The following WWC2 variants were observed in gnomAD, a reference collection of about 807,000 sequenced individuals.
The protein encoded by WWC2 is protein WWC2.
WWC2 carries 101 observed loss-of-function variants against 138.5 expected under a neutral mutation model. The ratio of observed to expected loss-of-function variants is 0.73; its 90% CI spans 0.62 to 0.86. The LOEUF (loss-of-function observed/expected upper bound fraction) is 0.86, where lower values mean the gene tolerates loss of function less well. Among genes scored for constraint, WWC2 ranks in the 40% least tolerant of loss-of-function variants. The pLI, the probability that WWC2 is intolerant of heterozygous loss-of-function variation, is 0.00. For synonymous variants in WWC2, 558 were observed against 538.4 expected (o/e 1.04, Z -0.50); for missense variants, 1,420 against 1,419.4 (o/e 1.00, Z -0.01).
At chr4:183,175,296 C>T (rs1734431361) in intron 1 of WWC2, among the ~76,000 whole-genome samples, 1 of 152,118 alleles carries the variant, frequency 6.6e-6, no homozygotes, top group Non-Finnish European at 1.5e-5. Flanking sequence ...GGCAGTGTCT[C>T]TGTTGCCCAG....
intron 1 of WWC2, among the ~76,000 whole-genome samples, chr4:183,192,969 A>G (rs1735033444): frequency 6.6e-6 from 1 of 152,246 alleles, no homozygotes; most frequent in Admixed American, 6.5e-5. Flanking sequence ...CTTAAAGAAA[A>G]AAATGGTCTT....
At chr4:183,170,578 A>T (rs1480425857) in intron 1 of WWC2, among the ~76,000 whole-genome samples, 1 of 152,206 alleles carries the variant, frequency 6.6e-6, no homozygotes, top group African/African-American at 2.4e-5. Context: ...GGAGCCTGGG[A>T]TGCTGAGATG....
chr4:183,111,893 T>C (rs1190044424), intron 1 of WWC2, among the ~76,000 whole-genome samples: 1 of 152,104 alleles, frequency 6.6e-6, no homozygotes, highest in African/African-American at 2.4e-5. Context: ...AGTCAGGGTT[T>C]CGCCATGTTG....
chr4:183,150,586 G>A (rs1475039841), intron 1 of WWC2, among the ~76,000 whole-genome samples: 1 of 152,116 alleles, frequency 6.6e-6, no homozygotes, highest in East Asian at 1.9e-4. Flanking sequence ...GGGTACATGT[G>A]CACAACATGC....
chr4:183,192,288 C>T (rs1266781423), intron 1 of WWC2, among the ~76,000 whole-genome samples: 1 of 152,220 alleles, frequency 6.6e-6, no homozygotes, highest in Admixed American at 6.5e-5. Flanking sequence ...TGAGGTTATA[C>T]TCACTACTTC....
At chr4:183,276,987 A>ATTG (rs1319654323) in intron 16 of WWC2, among the ~76,000 whole-genome samples, 5 of 151,130 alleles carry the variant, frequency 3.3e-5, no homozygotes, top group Non-Finnish European at 7.4e-5. Context: ...TATTATTATT[A>ATTG]TTATTATTAT....
chr4:183,263,692 C>T (rs1259273209), intron 11 of WWC2, among the ~76,000 whole-genome samples: 1 of 152,116 alleles, frequency 6.6e-6, no homozygotes, highest in Non-Finnish European at 1.5e-5. Flanking sequence ...AGGAGGATGT[C>T]AAGGCTGCGA....
chr4:183,168,456 T>C (rs1307464042), intron 1 of WWC2, among the ~76,000 whole-genome samples: 1 of 152,154 alleles, frequency 6.6e-6, no homozygotes, highest in Non-Finnish European at 1.5e-5. Context: ...AAGAAGAAAA[T>C]TGGCAATCAG....
At chr4:183,177,571 T>G (rs4241763) in intron 1 of WWC2, among the ~76,000 whole-genome samples, 149,596 of 152,204 alleles carry the variant, frequency 0.98, 73,564 homozygotes, top group Middle Eastern at 1. Context: ...TCTTAATAAA[T>G]ACATTATATA....
intron 1 of WWC2, among the ~76,000 whole-genome samples, chr4:183,178,111 C>T (rs1360094237): frequency 6.6e-6 from 1 of 152,202 alleles, no homozygotes; most frequent in Non-Finnish European, 1.5e-5. Context: ...ATACTTTCTT[C>T]TTGCATTTAT....
At chr4:183,309,618 T>C (rs1003857285) in intron 21 of WWC2, among the ~76,000 whole-genome samples, 48 of 152,350 alleles carry the variant, frequency 3.2e-4, no homozygotes, top group Middle Eastern at 3.4e-3. Flanking sequence ...CTCTCAGCCA[T>C]TGCTGATAGA....
At chr4:183,268,076 C>T (rs1347146222) in intron 14 of WWC2, among the ~76,000 whole-genome samples, 1 of 152,154 alleles carries the variant, frequency 6.6e-6, no homozygotes, top group Admixed American at 6.5e-5. Flanking sequence ...GCTGAATCTC[C>T]ATAATTAATA....
In WWC2 at chr4:183,144,451, G is replaced by T. The variant is rs545991250; in HGVS notation, c.131+44829G>T. Among the ~76,000 whole-genome samples the T allele has an allele frequency of 1.4e-3, 213 of 151,956 alleles. 1 individual carries two copies. The highest frequency in any genetic ancestry group is 3.4e-3 in the Middle Eastern group (1 of 294). On this transcript the variant is annotated intron_variant, in intron 1 of 22. Coordinates refer to ENST00000403733, the MANE Select transcript of WWC2 (RefSeq NM_024949.6). ...AGTGTCCTATTTTGGAATTTCAATT[G>T]CAGGTTGAAAAAAATTACAAATTTA...
intron 1 of WWC2, among the ~76,000 whole-genome samples, chr4:183,118,973 T>TTC (rs1481419015): frequency 6.6e-6 from 1 of 152,152 alleles, no homozygotes; most frequent in Non-Finnish European, 1.5e-5. Context: ...CTTTACTTCA[T>TTC]TCTTAAAGAC....
At chr4:183,239,183 C>T (rs537099414) in intron 4 of WWC2, among the ~76,000 whole-genome samples, 3 of 152,012 alleles carry the variant, frequency 2.0e-5, no homozygotes, top group Non-Finnish European at 4.4e-5. Context: ...GGCGTGGTGG[C>T]GGGCGCCTGT....
Position 183,288,822 on chromosome 4 carries a change from G to C in WWC2, c.3142-571G>C, listed in dbSNP as rs144155265. ...CAGTTTAAGCATTCTGATTGGAGGA[G>C]ATAGTCAAAACTTAGCAACACTGTC... On this transcript the variant is annotated intron_variant, in intron 20 of 22. Transcript: ENST00000403733. 3.5e-3 allele frequency among the ~76,000 whole-genome samples: 533 copies of C among 152,362 alleles called. 7 individuals are homozygous for C. Among genetic ancestry groups the C allele is most frequent in the African/African-American group, 0.012 (513 of 41,580 alleles).
At chr4:183,141,284 C>T (rs1386497823) in intron 1 of WWC2, among the ~76,000 whole-genome samples, 12 of 152,116 alleles carry the variant, frequency 7.9e-5, no homozygotes, top group Admixed American at 7.9e-4. Context: ...TGCTGTGTCC[C>T]CACATGGCCT....
In WWC2 at chr4:183,293,673, C is replaced by A. The variant is rs566642494; in HGVS notation, c.3384+4038C>A. ...AAAGAAATAAAGCTGCCATTATCTACAGGTGACATTGCATGCATTAAAAAA... is the reference window on the plus strand; with the variant it reads ...AAAGAAATAAAGCTGCCATTATCTAAAGGTGACATTGCATGCATTAAAAAA... On this transcript the variant is annotated intron_variant, in intron 21 of 22. Transcript: ENST00000403733. 3.9e-5 allele frequency among the ~76,000 whole-genome samples: 6 copies of A among 152,244 alleles called. No homozygotes were observed. The South Asian group carries it at 6.2e-4, about 16-fold the overall frequency.
Position 183,269,177 on chromosome 4 carries a change from T to C in WWC2, c.2400+14T>C. 3 of 1,578,676 alleles carry C rather than the reference T, an allele frequency of 1.9e-6. No homozygotes were observed. Among genetic ancestry groups the C allele is most frequent in the South Asian group, 1.1e-5 (1 of 87,026 alleles). ...GAAGAATGCCTGGTAGGATTCTTCA[T>C]AATTCCCATTACCAAATAGCACTTA... On this transcript the variant is annotated intron_variant, in intron 15 of 22. Coordinates refer to ENST00000403733, the MANE Select transcript of WWC2 (RefSeq NM_024949.6).
Sources: gnomAD v4.1 joint callset for allele counts (sites outside exome capture counted in the v4.1 genomes callset) on GRCh38, gnomAD v4.1.1 for gene constraint, MANE v1.5 for transcripts, NCBI Gene and HGNC (gene_info 2026-07-23, HGNC 2026-07-21) for gene names.